The following LRP1 variants were observed in gnomAD, a reference collection of about 807,000 sequenced individuals.
The protein encoded by LRP1 is LDL receptor related protein 1.
In LRP1, 51 loss-of-function variants were observed where a neutral mutation model predicts 541.5. The ratio of observed to expected loss-of-function variants is 0.09; its 90% CI spans 0.08 to 0.12. LRP1 has a LOEUF of 0.12. LRP1 is among the 10% of genes least tolerant of loss of function. The probability of loss-of-function intolerance (pLI) is 1.00; values close to 1 mark genes in which losing one functional copy is unlikely to be tolerated. For missense variants in LRP1, 3,878 were observed against 6,376.2 expected, an observed-to-expected ratio of 0.61 and a Z score of 13.34; for synonymous variants, 2,219 against 2,470.8, an observed-to-expected ratio of 0.90 and a Z score of 3.02.
Position 57,204,208 on chromosome 12 carries a change from C to A in LRP1, c.10952-202C>A. 1.9e-6 allele frequency: 1 copy of A among 540,348 alleles called. No individual in the cohort carries two copies. The highest frequency in any genetic ancestry group is 3.2e-6 in the Non-Finnish European group (1 of 314,992). 33.5% of individuals were successfully genotyped at this position (540,348 alleles called of 1,614,324 possible). On this transcript the variant is annotated intron_variant, in intron 70 of 88. Coordinates refer to ENST00000243077, the MANE Select transcript of LRP1 (RefSeq NM_002332.3). The surrounding 1 kb of genome is among the most constrained non-coding windows in gnomAD (Gnocchi z 5.3). ...GTGCCCTCTGAACTCCTCCAGACAC[C>A]CCTGAAAAATGGCCTCTTCTCCCCT...
Position 57,156,414 on chromosome 12 carries a change from T to G in LRP1, c.1417+131T>G. 1.0e-6 allele frequency: 1 copy of G among 977,580 alleles called. No individual in the cohort carries two copies. Among genetic ancestry groups the G allele is most frequent in the South Asian group, 1.7e-5 (1 of 58,318 alleles). The allele number at this position is 977,580 out of a possible 1,614,324, so 60.6% of individuals were successfully genotyped here. On this transcript the variant is annotated intron_variant, in intron 9 of 88. Coordinates refer to ENST00000243077, the MANE Select transcript of LRP1 (RefSeq NM_002332.3). This position sits in a 1 kb window ranked among gnomAD's most constrained non-coding sequence, Gnocchi z 5.2. ...TCTTTCATGTCATGACCGATTCTCC[T>G]AGCCAGCCACTCGGGCTACCTGCCC...
rs532661975 is a variant in LRP1, at chr12:57,174,001, A to G, written c.3547+21A>G. On this transcript the variant is annotated intron_variant, in intron 22 of 88. Transcript: ENST00000243077. ...CTGCGGTGAGGCCTGGTCCCAGGAG[A>G]AGGGTAGGGAGGGTGGCTGGGTAGG... 11 of 1,612,018 alleles carry G rather than the reference A, an allele frequency of 6.8e-6. No individual in the cohort carries two copies. In the East Asian group the frequency reaches 2.5e-4, roughly 36 times the overall value.
intron 42 of LRP1, 119 bp downstream of exon 42, chr12:57,187,575 C>G (rs2036294988): frequency 2.9e-5 from 28 of 978,636 alleles, no homozygotes; most frequent in Non-Finnish European, 4.1e-5. Flanking sequence ...GAGCTCCACC[C>G]TTCCCTGCTG....
rs1218864474 is a variant in LRP1, at chr12:57,211,797, G to A, written c.13241G>A (p.Ser4414Asn). 2.5e-6 allele frequency: 4 copies of A among 1,612,496 alleles called. No individual in the cohort carries two copies. The East Asian group carries it at 8.9e-5, about 36-fold the overall frequency. The change falls in exon 86 of 89, where the codon AGC (serine) becomes AAC (asparagine). Residue 4414 changes from serine to asparagine, a missense_variant. Coordinates refer to ENST00000243077, the MANE Select transcript of LRP1 (RefSeq NM_002332.3). This position sits in a 1 kb window ranked among gnomAD's most constrained non-coding sequence, Gnocchi z 4.3. ...CCCCGGTGTGAGGAGCACGTCTTCAGCCAGCAGCAGCCAGGACGTAGGTGG... is the reference window on the plus strand; with the variant it reads ...CCCCGGTGTGAGGAGCACGTCTTCAACCAGCAGCAGCCAGGACGTAGGTGG... ...TGPRCEEHVFSQQQPGHIASI... is the reference protein window; with the variant it reads ...TGPRCEEHVFNQQQPGHIASI...
Position 57,179,106 on chromosome 12 carries a change from G to A in LRP1, c.4738+85G>A, listed in dbSNP as rs1234343539. ...CCCAGGATCCCGGTTGTCAGCTAAGGCAGAGTCCCAGTCGGGAGGGTCCCG... is the reference window on the plus strand; with the variant it reads ...CCCAGGATCCCGGTTGTCAGCTAAGACAGAGTCCCAGTCGGGAGGGTCCCG... On this transcript the variant is annotated intron_variant, in intron 28 of 88. Transcript: ENST00000243077. This position sits in a 1 kb window ranked among gnomAD's most constrained non-coding sequence, Gnocchi z 6.8. 1.3e-6 allele frequency: 2 copies of A among 1,536,572 alleles called. No individual in the cohort carries two copies. Among genetic ancestry groups the A allele is most frequent in the Non-Finnish European group, 1.8e-6 (2 of 1,141,134 alleles).
rs1446738715 is a variant in LRP1 at position 57,212,435 on chromosome 12, C to T, written c.13515C>T (p.Pro4505=). The change falls in exon 89 of 89, where the codon CCC becomes CCT. Residue 4505 remains proline (P), a synonymous_variant. Transcript: ENST00000243077. The surrounding 1 kb of genome is among the most constrained non-coding windows in gnomAD (Gnocchi z 5.0). ...DPDKPTNFTN[P]VYATLYMGGH... The stretch of plus-strand genomic sequence containing the variant: ...TGCAGCCCACCAACTTCACCAACCC[C>T]GTGTATGCCACACTCTACATGGGGG... 9 of 1,614,128 alleles carry T rather than the reference C, an allele frequency of 5.6e-6. No individual in the cohort carries two copies. Among genetic ancestry groups the T allele is most frequent in the Middle Eastern group, 1.6e-4 (1 of 6,062 alleles).
In LRP1 at chr12:57,181,294, C is replaced by T. The variant is rs941671215; in HGVS notation, c.5662+3C>T. 9.9e-6 allele frequency: 16 copies of T among 1,609,028 alleles called. No individual in the cohort carries two copies. In the Admixed American group the frequency reaches 1.8e-4, roughly 19 times the overall value. On this transcript the variant is annotated splice_donor_region_variant and intron_variant, in intron 34 of 88. Transcript: ENST00000243077. ...GAGTGGCCAGCAGGCCTGCGAGGGT[C>T]AGTGCCTGGCTTTCCTCCCAGCCTT...
Position 57,161,104 on chromosome 12 carries a change from A to G in LRP1, c.2191A>G (p.Thr731Ala), listed in dbSNP as rs763247591. ...DRIETILLNG[T>A]DRKIVYEGPE... ...CATCGAGACGATACTGCTCAATGGC[A>G]CAGACCGGAAGGTGGGCAGGCATGT... Residue 731 changes from threonine (T) to alanine (A), a missense_variant, in exon 13 of 89, where the codon ACA (threonine) becomes GCA (alanine). Transcript: ENST00000243077. 7 of 1,613,046 alleles carry G rather than the reference A, an allele frequency of 4.3e-6. No individual in the cohort carries two copies. In the Admixed American group the frequency reaches 1.2e-4, roughly 27 times the overall value.
intron 1 of LRP1, among the ~76,000 whole-genome samples, chr12:57,129,272 G>A (rs943567564): frequency 6.6e-6 from 1 of 152,202 alleles, no homozygotes; most frequent in East Asian, 1.9e-4. Context: ...CCTGGGTAGA[G>A]AGAAGAGGGC....
chr12:57,196,048 C>G (rs779374064), intron 54 of LRP1, 39 bp from the exon 55 acceptor site: 1 of 1,611,132 alleles, frequency 6.2e-7, no homozygotes, highest in Non-Finnish European at 8.5e-7. Context: ...CCCAGACTGC[C>G]TGAGACCCCG....
At chr12:57,190,012 G>A (rs1471635200) in intron 42 of LRP1, among the ~76,000 whole-genome samples, 2 of 152,162 alleles carry the variant, frequency 1.3e-5, no homozygotes, top group Non-Finnish European at 2.9e-5. Context: ...CAAGGAGCAC[G>A]GCATAATTGG....
At chr12:57,208,440 G>C (rs2036834199) in intron 77 of LRP1, 1 of 605,108 alleles carries the variant, frequency 1.7e-6, no homozygotes, top group Admixed American at 3.0e-5. Context: ...TCTGACCTCT[G>C]CTTGGCCGGC....
rs1555178907 is a variant in LRP1 at position 57,128,897 on chromosome 12, G to T, written c.-68G>T. 9 of 1,214,572 alleles carry T rather than the reference G, an allele frequency of 7.4e-6. No individual in the cohort carries two copies. Among genetic ancestry groups the T allele is most frequent in the Middle Eastern group, 2.1e-4 (1 of 4,864 alleles). 75.2% of individuals were successfully genotyped at this position (1,214,572 alleles called of 1,614,324 possible). ...GGAGGAAAAGGGGGACCCCCCAACT[G>T]GGGGGGGTGAAGGAGAGAAGTAGCA... On this transcript the variant is annotated 5_prime_UTR_variant, in exon 1 of 89. Transcript: ENST00000243077.
chr12:57,195,112 T>G lies in LRP1; in HGVS notation c.8308+11T>G, dbSNP rs780455159. The stretch of plus-strand genomic sequence containing the variant: ...AGGCTGCTCACTGTGGTAAGGAAGC[T>G]GGGATTGGGCCGGGGGAGGTGCCCC... On this transcript the variant is annotated intron_variant, in intron 51 of 88. Coordinates refer to ENST00000243077, the MANE Select transcript of LRP1 (RefSeq NM_002332.3). The G allele has an allele frequency of 1.2e-6, 2 of 1,611,400 alleles. No homozygotes were observed. The highest frequency in any genetic ancestry group is 3.3e-5 in the Admixed American group (2 of 59,994).
intron 77 of LRP1, 78 bp from the exon 78 acceptor site, chr12:57,208,633 C>A: frequency 1.2e-6 from 1 of 847,936 alleles, no homozygotes; most frequent in Non-Finnish European, 1.9e-6. Flanking sequence ...GTCCCCAGAC[C>A]AAGAAGCTGG....
chr12:57,147,838 G>A (rs1359700397), intron 6 of LRP1, among the ~76,000 whole-genome samples: 1 of 152,194 alleles, frequency 6.6e-6, no homozygotes, highest in East Asian at 1.9e-4. Context: ...GCCCCCCTGA[G>A]GCCCTGCAGT....
At position 57,197,675 on chromosome 12, in the gene LRP1, C is replaced by T. The variant is rs1800166; in HGVS notation, c.9282+11C>T. On this transcript the variant is annotated intron_variant, in intron 58 of 88. Transcript: ENST00000243077. The surrounding 1 kb of genome is among the most constrained non-coding windows in gnomAD (Gnocchi z 4.5). The stretch of plus-strand genomic sequence containing the variant: ...GGGAGCAATGTGCAGGTGAGGCGGG[C>T]GGCCCTCGGCGACCAACACTGGCCC... 527,643 of 1,610,190 alleles carry T rather than the reference C, an allele frequency of 0.33. 90,197 individuals carry two copies. The highest frequency in any genetic ancestry group is 0.5 in the African/African-American group (37,359 of 74,724).
chr12:57,149,827 C>T (rs577755909), intron 6 of LRP1: 12 of 693,852 alleles, frequency 1.7e-5, no homozygotes, highest in African/African-American at 3.5e-5. Context: ...CTGCCAGGCT[C>T]GCCAGGAGGT....
chr12:57,191,098 C>T, intron 43 of LRP1, 89 bp downstream of exon 43: 1 of 1,387,400 alleles, frequency 7.2e-7, no homozygotes, highest in Non-Finnish European at 9.9e-7. Flanking sequence ...CAGGCACAGA[C>T]ATGGTGGGAA....
Sources: gnomAD v4.1 joint callset for allele counts (sites outside exome capture counted in the v4.1 genomes callset) on GRCh38, gnomAD v4.1.1 for gene constraint, Gnocchi (gnomAD v3.1) non-coding constraint, MANE v1.5 for transcripts, NCBI Gene and HGNC (gene_info 2026-07-23, HGNC 2026-07-21) for gene names.